FHIT: variants seen among roughly 807,000 people sequenced by gnomAD.
The protein encoded by FHIT is bis(5'-adenosyl)-triphosphatase.
Under a neutral mutation model 17.9 loss-of-function variants are expected in FHIT, and 19 were observed. The ratio of observed to expected loss-of-function variants is 1.06; its 90% CI spans 0.74 to 1.56. The LOEUF (loss-of-function observed/expected upper bound fraction) is 1.56. Ranked by LOEUF, FHIT falls within the 40% of genes most tolerant of loss-of-function variation. The pLI, the probability that FHIT is intolerant of heterozygous loss-of-function variation, is 0.00. For missense variants in FHIT, 248 were observed against 189.2 expected (o/e 1.31, Z -1.82); for synonymous variants, 81 against 69.7 (o/e 1.16, Z -0.81).
chr3:59,991,342 A>T (rs1709225059), intron 7 of FHIT, among the ~76,000 whole-genome samples: 3 of 152,106 alleles, frequency 2.0e-5, no homozygotes, highest in Non-Finnish European at 4.4e-5. Context: ...CTCCAGGTAG[A>T]AAGGTATTTT....
intron 4 of FHIT, among the ~76,000 whole-genome samples, chr3:60,600,971 G>T (rs1417938241): frequency 6.6e-6 from 1 of 152,204 alleles, no homozygotes; most frequent in South Asian, 2.1e-4. Flanking sequence ...CCCCTTCCGG[G>T]CCCCTCACCT....
chr3:60,661,763 TATTAC>T (rs1462865622), intron 4 of FHIT, among the ~76,000 whole-genome samples: 3 of 152,350 alleles, frequency 2.0e-5, no homozygotes, highest in African/African-American at 7.2e-5. Context: ...TGTAAGGTAG[TATTAC>T]ATTGTGGTTT....
intron 4 of FHIT, among the ~76,000 whole-genome samples, chr3:60,587,478 C>A (rs2037943902): frequency 6.6e-6 from 1 of 151,834 alleles, no homozygotes; most frequent in Admixed American, 6.6e-5. Context: ...ATGTAACAAA[C>A]CTGCTTGTTC....
chr3:60,625,959 G>A (rs1559594111), intron 4 of FHIT, among the ~76,000 whole-genome samples: 1 of 152,276 alleles, frequency 6.6e-6, no homozygotes, highest in East Asian at 1.9e-4. Flanking sequence ...TTTTGCATGT[G>A]GAGACCTAGT....
intron 3 of FHIT, among the ~76,000 whole-genome samples, chr3:60,939,825 A>C (rs1418712328): frequency 6.6e-6 from 1 of 152,134 alleles, no homozygotes; most frequent in Non-Finnish European, 1.5e-5. Context: ...ATTGGTTACT[A>C]TTTAATAATT....
intron 5 of FHIT, among the ~76,000 whole-genome samples, chr3:60,053,285 T>A (rs3912495): frequency 0.64 from 95,679 of 150,512 alleles, 31,374 homozygotes; most frequent in Non-Finnish European, 0.7. Context: ...TATATGTCAG[T>A]CCATAAACAT....
intron 3 of FHIT, among the ~76,000 whole-genome samples, chr3:60,975,693 T>C (rs1710201801): frequency 6.6e-6 from 1 of 152,178 alleles, no homozygotes; most frequent in Non-Finnish European, 1.5e-5. Flanking sequence ...CAGTGAAAAG[T>C]ATTTCTATAT....
intron 5 of FHIT, among the ~76,000 whole-genome samples, chr3:60,530,203 T>G (rs185356885): frequency 1.3e-5 from 2 of 152,214 alleles, no homozygotes; most frequent in East Asian, 3.9e-4. Context: ...CAAGGCTACT[T>G]TGTACATACA....
chr3:60,880,434 T>C (rs1470514098), intron 3 of FHIT, among the ~76,000 whole-genome samples: 2 of 152,322 alleles, frequency 1.3e-5, no homozygotes, highest in Non-Finnish European at 2.9e-5. Context: ...CACAAAAGTA[T>C]AAAACTCACT....
intron 3 of FHIT, among the ~76,000 whole-genome samples, chr3:60,875,954 TG>T (rs1704634949): frequency 2.6e-5 from 4 of 151,590 alleles, no homozygotes; most frequent in African/African-American, 9.7e-5. Context: ...TGTGTGTGTG[TG>T]TGTGTGTGTA....
intron 5 of FHIT, among the ~76,000 whole-genome samples, chr3:60,284,083 G>A (rs920148851): frequency 6.6e-6 from 1 of 151,926 alleles, no homozygotes; most frequent in African/African-American, 2.4e-5. Flanking sequence ...TAAAAAGATA[G>A]GTTTAGTAGA....
At position 60,744,986 on chromosome 3, in the gene FHIT, A is replaced by G. The variant is rs116035900; in HGVS notation, c.-18+76933T>C. On this transcript the variant is annotated intron_variant, in intron 4 of 9. Transcript: ENST00000492590. ...AGAGGGGCTGGGTGCAGTGGCTCAC[A>G]CCTGTAATCCCAGCTTTTAGGGAGG... is the stretch of plus-strand genomic sequence containing the variant. Among the ~76,000 whole-genome samples the G allele has an allele frequency of 7.0e-3, 1,069 of 152,174 alleles. 14 individuals are homozygous for G. Among genetic ancestry groups the G allele is most frequent in the African/African-American group, 0.024 (998 of 41,524 alleles).
intron 8 of FHIT, among the ~76,000 whole-genome samples, chr3:59,822,662 G>A (rs1343116351): frequency 6.6e-6 from 1 of 151,638 alleles, no homozygotes; most frequent in Non-Finnish European, 1.5e-5. Context: ...TTTTTTTCTT[G>A]CTAATTTATT....
At chr3:60,660,729 CTTT>C in intron 4 of FHIT, among the ~76,000 whole-genome samples, 2,670 of 37,332 alleles carry the variant, frequency 0.072, 121 homozygotes, top group South Asian at 0.23. Context: ...TTATTGTGCT[CTTT>C]TTTTTTTTTT....
At chr3:60,755,670 A>T (rs1235864202) in intron 4 of FHIT, among the ~76,000 whole-genome samples, 2 of 152,254 alleles carry the variant, frequency 1.3e-5, no homozygotes, top group Non-Finnish European at 2.9e-5. Context: ...GCAGGGCTTT[A>T]ACTTAATTAT....
chr3:61,165,457 A>G (rs1480908941), intron 2 of FHIT: 1 of 152,422 alleles, frequency 6.6e-6, no homozygotes, highest in Non-Finnish European at 1.5e-5. Flanking sequence ...GTGTCTGTTC[A>G]TATCTTTTGC....
At position 61,234,790 on chromosome 3, in the gene FHIT, A is replaced by T. The variant is rs539036818; in HGVS notation, c.-213+16511T>A. 3.3e-5 allele frequency among the ~76,000 whole-genome samples: 5 copies of T among 152,338 alleles called. No homozygotes were observed. In the South Asian group the frequency reaches 6.2e-4, roughly 19 times the overall value. ...CAATTCATCCACACCAACTTTGTCT[A>T]ATACCTGCCTGCAGATCCAATGGAG... On this transcript the variant is annotated intron_variant, in intron 1 of 9. Coordinates refer to ENST00000492590, the MANE Select transcript of FHIT (RefSeq NM_002012.4).
intron 8 of FHIT, among the ~76,000 whole-genome samples, chr3:59,912,536 C>T (rs557354906): frequency 2.0e-5 from 3 of 151,856 alleles, no homozygotes; most frequent in Admixed American, 6.6e-5. Context: ...TTTTTAGAGT[C>T]GCTAAAAGGA....
chr3:60,334,981 T>C (rs1055987700), intron 5 of FHIT, among the ~76,000 whole-genome samples: 2 of 152,214 alleles, frequency 1.3e-5, no homozygotes, highest in African/African-American at 4.8e-5. Flanking sequence ...CCATACAATG[T>C]ACCCAACAAA....
Sources: allele counts gnomAD v4.1 joint callset (sites outside exome capture counted in the v4.1 genomes callset), GRCh38; gene constraint gnomAD v4.1.1; transcripts MANE v1.5; gene names NCBI Gene and HGNC (gene_info 2026-07-23, HGNC 2026-07-21).